FSTL1: variants seen among roughly 807,000 people sequenced by gnomAD.
FSTL1 encodes the protein follistatin like 1, also known as follistatin-related protein 1.
Under a neutral mutation model 45.9 loss-of-function variants are expected in FSTL1, and 24 were observed. The ratio of observed to expected loss-of-function variants is 0.52; its 90% CI spans 0.38 to 0.74. The LOEUF (loss-of-function observed/expected upper bound fraction) is 0.74. FSTL1 is among the 30% of genes least tolerant of loss of function. The probability of loss-of-function intolerance (pLI) is 0.00; values close to 1 mark genes in which losing one functional copy is unlikely to be tolerated. For synonymous variants in FSTL1, 120 were observed against 137.6 expected, an observed-to-expected ratio of 0.87 and a Z score of 0.89; for missense variants, 340 against 381.8, an observed-to-expected ratio of 0.89 and a Z score of 0.91.
intron 5 of FSTL1, 56 bp downstream of exon 5, chr3:120,410,896 A>G (rs759897872): frequency 1.5e-6 from 2 of 1,367,610 alleles, no homozygotes; most frequent in African/African-American, 1.4e-5. Context: ...CAAAATTTCT[A>G]TCATGAAAAG....
At chr3:120,411,539 C>A (rs1481444851) in intron 4 of FSTL1, among the ~76,000 whole-genome samples, 1 of 152,194 alleles carries the variant, frequency 6.6e-6, no homozygotes, top group African/African-American at 2.4e-5. Context: ...GTACATAATT[C>A]ATTTAAGGAA....
intron 2 of FSTL1, among the ~76,000 whole-genome samples, chr3:120,417,276 C>T (rs555606534): frequency 3.9e-4 from 59 of 151,744 alleles, no homozygotes; most frequent in African/African-American, 1.4e-3. Context: ...GTTTTATACT[C>T]AAGATTAGGG....
At chr3:120,411,727 G>A in intron 4 of FSTL1, 127 bp downstream of exon 4, 1 of 839,006 alleles carries the variant, frequency 1.2e-6, no homozygotes, top group Non-Finnish European at 1.9e-6. Context: ...AACCAACTGG[G>A]CGCTTTCCAC....
intron 3 of FSTL1, among the ~76,000 whole-genome samples, chr3:120,413,568 G>A (rs1937112859): frequency 6.6e-6 from 1 of 151,892 alleles, no homozygotes; most frequent in Non-Finnish European, 1.5e-5. Context: ...TCCTTTCTGG[G>A]GCAACAAATC....
intron 3 of FSTL1, among the ~76,000 whole-genome samples, chr3:120,414,163 T>C (rs1011781196): frequency 1.3e-5 from 2 of 152,082 alleles, no homozygotes; most frequent in African/African-American, 4.8e-5. Context: ...TGCCTTGGCC[T>C]CCCAAAGTGC....
chr3:120,424,178 T>G lies in FSTL1; in HGVS notation c.64-8151A>C, dbSNP rs570734566. 3 of 152,626 alleles carry G rather than the reference T, an allele frequency of 2.0e-5. No homozygotes were observed. In the South Asian group the frequency reaches 6.2e-4, roughly 32 times the overall value. The allele number at this position is 152,626 out of a possible 1,614,324, so 9.5% of individuals were successfully genotyped here. On this transcript the variant is annotated intron_variant, in intron 2 of 10. Coordinates refer to ENST00000295633, the MANE Select transcript of FSTL1 (RefSeq NM_007085.5). ...AGGCCTGGGTGCAGTGGCTCAAGCC[T>G]GTCATTCCAGCACTTTGGGAGGCTG...
At chr3:120,417,600 A>C (rs1937209350) in intron 2 of FSTL1, among the ~76,000 whole-genome samples, 1 of 152,236 alleles carries the variant, frequency 6.6e-6, no homozygotes, top group South Asian at 2.1e-4. Context: ...TGTTTTCCTA[A>C]ACAGAGAGTG....
At chr3:120,410,635 A>G (rs1937033013) in intron 5 of FSTL1, 4 of 452,212 alleles carry the variant, frequency 8.8e-6, no homozygotes, top group Admixed American at 2.7e-5. Flanking sequence ...TGCTGGTCCC[A>G]TGACACGAGC....
intron 2 of FSTL1, chr3:120,421,202 T>C (rs1937273291): frequency 6.6e-6 from 1 of 152,232 alleles, no homozygotes; most frequent in African/African-American, 2.4e-5. Flanking sequence ...ATACCATCAT[T>C]TCACTAACAT....
chr3:120,398,075 C>T (rs1259327), intron 10 of FSTL1, among the ~76,000 whole-genome samples: 115,375 of 152,044 alleles, frequency 0.76, 44,677 homozygotes, highest in African/African-American at 0.93. Context: ...AGATTAGTGG[C>T]TGCAAAGGGC....
intron 2 of FSTL1, among the ~76,000 whole-genome samples, chr3:120,445,598 T>C (rs1301727590): frequency 6.7e-6 from 1 of 149,548 alleles, no homozygotes; most frequent in East Asian, 1.9e-4. Context: ...ATGTAAAAGT[T>C]CATGAAGCTA....
At position 120,429,834 on chromosome 3, in the gene FSTL1, C is replaced by A. The variant is rs537968925; in HGVS notation, c.64-13807G>T. 3.9e-5 allele frequency among the ~76,000 whole-genome samples: 6 copies of A among 152,310 alleles called. No individual in the cohort carries two copies. In the South Asian group the frequency reaches 8.3e-4, roughly 21 times the overall value. On this transcript the variant is annotated intron_variant, in intron 2 of 10. Coordinates refer to ENST00000295633, the MANE Select transcript of FSTL1 (RefSeq NM_007085.5). ...ATCATTACAAATCCTTCCAACTACTCCTCTAAAGAGACAATCATTCATTTC... is the reference window on the plus strand; with the variant it reads ...ATCATTACAAATCCTTCCAACTACTACTCTAAAGAGACAATCATTCATTTC...
At chr3:120,429,630 C>T (rs1255741333) in intron 2 of FSTL1, among the ~76,000 whole-genome samples, 2 of 152,106 alleles carry the variant, frequency 1.3e-5, no homozygotes, top group Non-Finnish European at 2.9e-5. Flanking sequence ...CTCAAAAGAC[C>T]CAAACCCAAA....
intron 2 of FSTL1, chr3:120,438,508 C>T (rs972353783): frequency 6.6e-6 from 1 of 152,200 alleles, no homozygotes; most frequent in Non-Finnish European, 1.5e-5. Context: ...TGTTTTTATT[C>T]ACTCTGTTTT....
intron 2 of FSTL1, among the ~76,000 whole-genome samples, chr3:120,439,136 G>C (rs901194577): frequency 6.6e-6 from 1 of 152,146 alleles, no homozygotes; most frequent in African/African-American, 2.4e-5. Context: ...GGGAGGAGGC[G>C]AGAGCAAGGC....
In FSTL1 at chr3:120,406,794, G is replaced by A. The variant is rs377381808; in HGVS notation, c.463-1823C>T. 2.4e-3 allele frequency among the ~76,000 whole-genome samples: 360 copies of A among 151,978 alleles called. 3 individuals carry two copies. The highest frequency in any genetic ancestry group is 0.014 in the Middle Eastern group (4 of 294). On this transcript the variant is annotated intron_variant, in intron 6 of 10. Coordinates refer to ENST00000295633, the MANE Select transcript of FSTL1 (RefSeq NM_007085.5). ...TTACAAAGACATAATATCTCTCTGT[G>A]CCTCTTTCCCCAGCTCTATACAGGT... is the stretch of plus-strand genomic sequence containing the variant.
chr3:120,450,174 C>T (rs1937853122), intron 2 of FSTL1, among the ~76,000 whole-genome samples: 1 of 152,102 alleles, frequency 6.6e-6, no homozygotes, highest in South Asian at 2.1e-4. Flanking sequence ...AACACAAAAC[C>T]CGAGGACACT....
chr3:120,439,442 T>C (rs1417267033), intron 2 of FSTL1, among the ~76,000 whole-genome samples: 1 of 152,210 alleles, frequency 6.6e-6, no homozygotes, highest in Admixed American at 6.5e-5. Flanking sequence ...TGCTTATCTA[T>C]GAGGAAAATC....
At chr3:120,417,285 G>A (rs1190267507) in intron 2 of FSTL1, among the ~76,000 whole-genome samples, 1 of 150,854 alleles carries the variant, frequency 6.6e-6, no homozygotes, top group Non-Finnish European at 1.5e-5. Context: ...TCAAGATTAG[G>A]GGAAAAAAGC....
Sources: allele counts gnomAD v4.1 joint callset (sites outside exome capture counted in the v4.1 genomes callset), GRCh38; gene constraint gnomAD v4.1.1; transcripts MANE v1.5; gene names NCBI Gene and HGNC (gene_info 2026-07-23, HGNC 2026-07-21).